Variants in DTD1 observed in about 807,000 individuals in gnomAD.
DTD1 encodes the protein D-aminoacyl-tRNA deacylase 1.
A neutral mutation model predicts 25.6 loss-of-function variants in DTD1; 13 were observed. The ratio of observed to expected loss-of-function variants is 0.51; its 90% CI spans 0.33 to 0.81. The LOEUF (loss-of-function observed/expected upper bound fraction) is 0.81. DTD1 is among the 30% of genes least tolerant of loss of function. The pLI is 0.02. For synonymous variants in DTD1, 110 were observed against 103.6 expected (o/e 1.06, Z -0.37); for missense variants, 193 against 266.4 (o/e 0.72, Z 1.92).
At chr20:18,759,145 G>A (rs2061351058) in intron 5 of DTD1, among the ~76,000 whole-genome samples, 1 of 152,122 alleles carries the variant, frequency 6.6e-6, no homozygotes, top group African/African-American at 2.4e-5. Flanking sequence ...CACGTGAGAT[G>A]GGTTTCCTGA....
rs556276646 is a variant in DTD1 at position 18,688,889 on chromosome 20, G to A, written c.478-55211G>A. On this transcript the variant is annotated intron_variant, in intron 4 of 5. Transcript: ENST00000377452. The stretch of plus-strand genomic sequence containing the variant: ...CCTCATTCCCTGGGGTGGCCTGTGG[G>A]GGGTGGGGAGGTATGTGTTAGCAGG... Among the ~76,000 whole-genome samples, 71 of 152,192 alleles carry A rather than the reference G, an allele frequency of 4.7e-4. 1 individual carries two copies. Among genetic ancestry groups the A allele is most frequent in the Admixed American group, 1.9e-3 (29 of 15,284 alleles).
intron 4 of DTD1, among the ~76,000 whole-genome samples, chr20:18,648,995 C>CAAAAAAAA (rs57780175): frequency 5.0e-4 from 28 of 56,266 alleles, no homozygotes; most frequent in Admixed American, 6.4e-4. Flanking sequence ...GACTCCATCT[C>CAAAAAAAA]AAAAAAAAAA....
intron 5 of DTD1, among the ~76,000 whole-genome samples, chr20:18,756,220 T>A (rs2061338785): frequency 6.6e-6 from 1 of 152,250 alleles, no homozygotes; most frequent in South Asian, 2.1e-4. Context: ...CTTTGTAGGT[T>A]GCCTGTTCAC....
chr20:18,703,572 TCTTTTTCCATTTG>T (rs1350728519), intron 4 of DTD1, among the ~76,000 whole-genome samples: 1 of 152,152 alleles, frequency 6.6e-6, no homozygotes, highest in African/African-American at 2.4e-5. Context: ...TATTTTCCAT[TCTTTTTCCATTTG>T]TTTTTTTAAC....
intron 4 of DTD1, chr20:18,632,602 C>A (rs764670175): frequency 1.6e-4 from 153 of 984,300 alleles, no homozygotes; most frequent in Non-Finnish European, 1.8e-4. Flanking sequence ...TTTTAATTCT[C>A]AGTGTTTTAT....
chr20:18,608,774 T>C (rs1028072587), intron 3 of DTD1, among the ~76,000 whole-genome samples: 7 of 152,214 alleles, frequency 4.6e-5, no homozygotes, highest in African/African-American at 1.4e-4. Context: ...TTCTTGGGTG[T>C]GCCAACCTAG....
intron 4 of DTD1, among the ~76,000 whole-genome samples, chr20:18,731,104 T>A (rs1350149262): frequency 6.6e-6 from 1 of 152,248 alleles, no homozygotes; most frequent in Non-Finnish European, 1.5e-5. Context: ...TAAATTTCCC[T>A]GAGGGTCGAT....
At chr20:18,600,612 A>C (rs1239062585) in intron 3 of DTD1, among the ~76,000 whole-genome samples, 1 of 152,162 alleles carries the variant, frequency 6.6e-6, no homozygotes, top group Non-Finnish European at 1.5e-5. Flanking sequence ...TGTAAACTTT[A>C]GAATCAGTTT....
At chr20:18,738,643 C>A (rs6081339) in intron 4 of DTD1, among the ~76,000 whole-genome samples, 1 of 152,110 alleles carries the variant, frequency 6.6e-6, no homozygotes, top group South Asian at 2.1e-4. Flanking sequence ...TTTCCAAAGA[C>A]CCTCTGCAGT....
intron 4 of DTD1, among the ~76,000 whole-genome samples, chr20:18,701,490 C>T (rs1471090630): frequency 6.6e-6 from 1 of 152,340 alleles, no homozygotes; most frequent in East Asian, 1.9e-4. Flanking sequence ...TTGCATTATG[C>T]CTTTTCTTCC....
intron 4 of DTD1, among the ~76,000 whole-genome samples, chr20:18,713,366 C>T (rs955595343): frequency 2.6e-5 from 4 of 152,228 alleles, no homozygotes; most frequent in African/African-American, 9.6e-5. Context: ...TAAAATCTTC[C>T]CAGGGTTTCT....
chr20:18,669,398 G>A (rs748855788), intron 4 of DTD1, among the ~76,000 whole-genome samples: 1 of 152,154 alleles, frequency 6.6e-6, no homozygotes, highest in South Asian at 2.1e-4. Flanking sequence ...GAAACTGAAG[G>A]CCAGGTATTT....
At chr20:18,653,263 A>G (rs562117127) in intron 4 of DTD1, among the ~76,000 whole-genome samples, 2 of 152,134 alleles carry the variant, frequency 1.3e-5, no homozygotes, top group South Asian at 2.1e-4. Context: ...GTATTATGGC[A>G]TATGCCTATA....
At chr20:18,628,518 T>C (rs1289681257) in intron 4 of DTD1, among the ~76,000 whole-genome samples, 1 of 152,152 alleles carries the variant, frequency 6.6e-6, no homozygotes, top group Non-Finnish European at 1.5e-5. Context: ...CCAGGTGCCG[T>C]GGCGCCCACC....
At chr20:18,708,241 TA>T (rs1568676700) in intron 4 of DTD1, among the ~76,000 whole-genome samples, 242 of 2,258 alleles carry the variant, frequency 0.11, 14 homozygotes, top group East Asian at 0.42. Flanking sequence ...TTTATATATA[TA>T]TAATATATAT....
At chr20:18,760,711 G>C (rs1263597374) in intron 5 of DTD1, among the ~76,000 whole-genome samples, 1 of 152,222 alleles carries the variant, frequency 6.6e-6, no homozygotes, top group African/African-American at 2.4e-5. Flanking sequence ...CAGTCTGTCT[G>C]TTCTCAGATC....
At chr20:18,673,121 G>T (rs2060956875) in intron 4 of DTD1, among the ~76,000 whole-genome samples, 1 of 152,204 alleles carries the variant, frequency 6.6e-6, no homozygotes, top group East Asian at 1.9e-4. Context: ...TATTGATGGA[G>T]TGCCATCTGG....
chr20:18,635,013 A>G (rs2060801578), intron 4 of DTD1, among the ~76,000 whole-genome samples: 1 of 152,222 alleles, frequency 6.6e-6, no homozygotes, highest in African/African-American at 2.4e-5. Context: ...ACAGTTATTT[A>G]AATGTACTCC....
chr20:18,725,029 A>G (rs979303597), intron 4 of DTD1, among the ~76,000 whole-genome samples: 1 of 152,292 alleles, frequency 6.6e-6, no homozygotes, highest in African/African-American at 2.4e-5. Context: ...AGCTGGAAGT[A>G]GAAGAAAACA....
Sources: gnomAD v4.1 joint callset for allele counts (sites outside exome capture counted in the v4.1 genomes callset) on GRCh38, gnomAD v4.1.1 for gene constraint, MANE v1.5 for transcripts, NCBI Gene and HGNC (gene_info 2026-07-23, HGNC 2026-07-21) for gene names.